IFT80: variants seen among roughly 807,000 people sequenced by gnomAD.
IFT80 encodes intraflagellar transport 80, also known as intraflagellar transport protein 80 homolog.
In IFT80, 79 loss-of-function variants were observed where a neutral mutation model predicts 107.9. That is an observed-to-expected ratio of 0.73 (90% CI 0.61 to 0.88). The LOEUF is 0.88. Ranked by LOEUF, IFT80 falls within the 40% of genes least tolerant of loss-of-function variation. The pLI, the probability that IFT80 is intolerant of heterozygous loss-of-function variation, is 0.00. For synonymous variants in IFT80, 299 were observed against 300.9 expected (o/e 0.99, Z 0.07); for missense variants, 797 against 914.2 (o/e 0.87, Z 1.65).
chr3:160,269,703 G>A (rs1213259488), intron 18 of IFT80, among the ~76,000 whole-genome samples: 1 of 152,106 alleles, frequency 6.6e-6, no homozygotes, highest in Non-Finnish European at 1.5e-5. Context: ...CTGCAATCCT[G>A]TGCATAACTC....
intron 8 of IFT80, among the ~76,000 whole-genome samples, chr3:160,354,482 C>T (rs1373616079): frequency 6.6e-6 from 1 of 151,602 alleles, no homozygotes; most frequent in Non-Finnish European, 1.5e-5. Context: ...ACCCCGTCTC[C>T]GCTAAAAACA....
chr3:160,393,510 G>A (rs1357232245), intron 1 of IFT80, among the ~76,000 whole-genome samples: 1 of 152,140 alleles, frequency 6.6e-6, no homozygotes, highest in Non-Finnish European at 1.5e-5. Context: ...TGGCTGCCAG[G>A]GGCTAGGGGA....
chr3:160,350,185 C>T (rs1416867807), intron 8 of IFT80, among the ~76,000 whole-genome samples: 8 of 151,612 alleles, frequency 5.3e-5, no homozygotes, highest in South Asian at 2.1e-4. Context: ...GAGGCCAAGA[C>T]GAACAGATCA....
intron 4 of IFT80, 34 bp from the exon 5 acceptor site, chr3:160,375,914 T>C (rs533331262): frequency 7.4e-7 from 1 of 1,349,582 alleles, no homozygotes; most frequent in East Asian, 2.4e-5. Flanking sequence ...TCAGTATTTT[T>C]ACCTATAGAA....
intron 5 of IFT80, among the ~76,000 whole-genome samples, chr3:160,368,518 T>A (rs115652675): frequency 6.6e-6 from 1 of 151,932 alleles, no homozygotes; most frequent in Non-Finnish European, 1.5e-5. Flanking sequence ...CAGAAGGTAC[T>A]CCTCCTTTTT....
At chr3:160,355,871 A>T in intron 8 of IFT80, 142 bp downstream of exon 8, 1 of 1,003,504 alleles carries the variant, frequency 1.0e-6, no homozygotes, top group South Asian at 1.3e-5. Context: ...AATTGATTGA[A>T]CCAGCATATT....
chr3:160,394,419 C>G (rs763664260), intron 1 of IFT80: 1 of 152,114 alleles, frequency 6.6e-6, no homozygotes, highest in South Asian at 2.1e-4. Context: ...GCCCATGGAT[C>G]GTGGGTTGGA....
At chr3:160,371,886 A>C (rs1711550797) in intron 5 of IFT80, among the ~76,000 whole-genome samples, 1 of 152,220 alleles carries the variant, frequency 6.6e-6, no homozygotes, top group Non-Finnish European at 1.5e-5. Flanking sequence ...TATTTTAATT[A>C]GAGATTAAAA....
At chr3:160,383,826 T>C (rs1473426093) in intron 2 of IFT80, 4 of 985,406 alleles carry the variant, frequency 4.1e-6, no homozygotes, top group East Asian at 1.1e-4. Context: ...TGTGAAATAA[T>C]GAGGATCTGA....
chr3:160,354,912 A>G (rs1014813762), intron 8 of IFT80, among the ~76,000 whole-genome samples: 5 of 152,220 alleles, frequency 3.3e-5, no homozygotes, highest in Non-Finnish European at 4.4e-5. Flanking sequence ...TATGTGATAG[A>G]AAACAAGTAA....
chr3:160,305,521 A>T (rs1169723887), intron 10 of IFT80, among the ~76,000 whole-genome samples: 1 of 152,184 alleles, frequency 6.6e-6, no homozygotes, highest in African/African-American at 2.4e-5. Context: ...AGGGTTGGTA[A>T]GAAAAGTAGT....
At chr3:160,297,425 CA>C (rs1051760643) in intron 12 of IFT80, among the ~76,000 whole-genome samples, 1 of 150,818 alleles carries the variant, frequency 6.6e-6, no homozygotes. Flanking sequence ...GAGTACTCAG[CA>C]AAAAAAATTG....
At chr3:160,299,387 T>A in intron 12 of IFT80, 1 of 248,842 alleles carries the variant, frequency 4.0e-6, no homozygotes, top group Non-Finnish European at 6.9e-6. Context: ...TTCTAGTTCA[T>A]GAATTAGGTC....
At chr3:160,337,191 C>T (rs1402427233) in intron 8 of IFT80, among the ~76,000 whole-genome samples, 2 of 152,226 alleles carry the variant, frequency 1.3e-5, no homozygotes, top group Non-Finnish European at 2.9e-5. Context: ...AAAATGCTCA[C>T]AATCAGTCCT....
At chr3:160,372,236 T>A (rs533318528) in intron 5 of IFT80, among the ~76,000 whole-genome samples, 8 of 152,302 alleles carry the variant, frequency 5.3e-5, no homozygotes, top group African/African-American at 1.9e-4. Flanking sequence ...TTTATGATAA[T>A]TCAGGTTTAT....
rs1370115291 is a variant in IFT80, at chr3:160,258,713, A to G, written c.2224-78T>C. ...TGTTTACTCCAAAGTAACTAAGAGT[A>G]AACAGATAGACTGTGTGACTTCCAA... On this transcript the variant is annotated intron_variant, in intron 19 of 19. Coordinates refer to ENST00000326448, the MANE Select transcript of IFT80 (RefSeq NM_020800.3). 3 of 1,512,542 alleles carry G rather than the reference A, an allele frequency of 2.0e-6. No individual in the cohort carries two copies. In the African/African-American group the frequency reaches 4.1e-5, roughly 21 times the overall value. 93.7% of individuals were successfully genotyped at this position (1,512,542 alleles called of 1,614,324 possible). A position where few individuals can be genotyped will look rare whatever the true frequency, so the allele number is the denominator to read the frequency against.
chr3:160,355,076 T>G (rs966361082), intron 8 of IFT80, among the ~76,000 whole-genome samples: 1 of 152,204 alleles, frequency 6.6e-6, no homozygotes, highest in African/African-American at 2.4e-5. Context: ...CTGCTGCTTT[T>G]GGGGTACTTC....
chr3:160,320,597 G>C (rs1718135391), intron 8 of IFT80, among the ~76,000 whole-genome samples: 1 of 151,532 alleles, frequency 6.6e-6, no homozygotes, highest in Admixed American at 6.6e-5. Flanking sequence ...TTAATACATG[G>C]TATTATATGC....
chr3:160,355,095 A>G (rs1274571106), intron 8 of IFT80, among the ~76,000 whole-genome samples: 1 of 152,180 alleles, frequency 6.6e-6, no homozygotes, highest in Non-Finnish European at 1.5e-5. Flanking sequence ...TCAACGAACA[A>G]TTCATTCAAG....
Sources: allele counts gnomAD v4.1 joint callset (sites outside exome capture counted in the v4.1 genomes callset), GRCh38; gene constraint gnomAD v4.1.1; transcripts MANE v1.5; gene names NCBI Gene and HGNC (gene_info 2026-07-23, HGNC 2026-07-21).